The following RAET1E variants were observed in gnomAD, a reference collection of about 807,000 sequenced individuals.
The protein encoded by RAET1E is retinoic acid early transcript 1E.
RAET1E carries 27 observed loss-of-function variants against 21.1 expected under a neutral mutation model. The ratio of observed to expected loss-of-function variants is 1.28; its 90% CI spans 0.94 to 1.76. The LOEUF (loss-of-function observed/expected upper bound fraction) is 1.76. Ranked by LOEUF, RAET1E falls within the 40% of genes most tolerant of loss-of-function variation. RAET1E has a pLI of 0.00. For synonymous variants in RAET1E, 113 were observed against 115.0 expected (o/e 0.98, Z 0.11); for missense variants, 310 against 311.3 (o/e 1.00, Z 0.03).
chr6:149,890,074 G>A lies in RAET1E; in HGVS notation c.157C>T (p.Gln53Ter). 1 of 1,614,068 alleles carries A rather than the reference G, an allele frequency of 6.2e-7. No homozygotes were observed. Among genetic ancestry groups the A allele is most frequent in the Non-Finnish European group, 8.5e-7 (1 of 1,179,968 alleles). Residue 53 changes from glutamine (Q) to a stop codon, truncating the protein, a stop_gained, in exon 4 of 6, where the codon CAG becomes TAG. Transcript: ENST00000357183. LOFTEE classifies it high-confidence loss of function. ...AAAAGATTTTTATTCAAGAAGACCT[G>A]CGCTTCACACCAGGGCTGTCCAGGT... ...SRPGQPWCEAQVFLNKNLFLQ... is the reference protein window; with the variant it reads ...SRPGQPWCEA
chr6:149,891,026 A>C lies in RAET1E; in HGVS notation c.-125T>G, dbSNP rs1156841723. On this transcript the variant is annotated 5_prime_UTR_variant, in exon 3 of 6. Transcript: ENST00000357183. ...CAAATTCTTTACCCTGGAACAACTG[A>C]GGTCAGGCCTGTAGAGACCCAATTA... 2 of 700,326 alleles carry C rather than the reference A, an allele frequency of 2.9e-6. No individual in the cohort carries two copies. Among genetic ancestry groups the C allele is most frequent in the Non-Finnish European group, 5.2e-6 (2 of 386,690 alleles). The allele number at this position is 700,326 out of a possible 1,614,324, so 43.4% of individuals were successfully genotyped here. A position where few individuals can be genotyped will look rare whatever the true frequency, so the allele number is the denominator to read the frequency against.
intron 2 of RAET1E, among the ~76,000 whole-genome samples, chr6:149,892,455 C>T (rs1308846276): frequency 6.6e-6 from 1 of 152,208 alleles, no homozygotes; most frequent in Non-Finnish European, 1.5e-5. Context: ...TCTCTAACGA[C>T]CAGTGATGAT....
rs147964163 is a variant in RAET1E at position 149,887,907 on chromosome 6, A to G, written c.*591T>C. Among the ~76,000 whole-genome samples, 300 of 152,320 alleles carry G rather than the reference A, an allele frequency of 2.0e-3. 1 individual carries two copies. Among genetic ancestry groups the G allele is most frequent in the African/African-American group, 7.0e-3 (289 of 41,570 alleles). ...AGATGTCTGGCAATGTGTCTGGCAT[A>G]TAATAGTTCTCTCAGCCAGGTGTGT... On this transcript the variant is annotated 3_prime_UTR_variant, in exon 6 of 6. Transcript: ENST00000357183.
Sources: allele counts gnomAD v4.1 joint callset (sites outside exome capture counted in the v4.1 genomes callset), GRCh38; gene constraint gnomAD v4.1.1; transcripts MANE v1.5; gene names NCBI Gene and HGNC (gene_info 2026-07-23, HGNC 2026-07-21).